CCDC7: variants seen among roughly 807,000 people sequenced by gnomAD.
The protein encoded by CCDC7 is coiled-coil domain-containing protein 7.
In CCDC7, 183 loss-of-function variants were observed where a neutral mutation model predicts 196.9. The observed-to-expected ratio is 0.93, with a 90% CI of 0.82 to 1.05. The LOEUF is 1.05. CCDC7 is among the 50% of genes least tolerant of loss of function. The pLI, the probability that CCDC7 is intolerant of heterozygous loss-of-function variation, is 0.00. For synonymous variants in CCDC7, 525 were observed against 484.6 expected, an observed-to-expected ratio of 1.08 and a Z score of -1.10; for missense variants, 1,540 against 1,482.2, an observed-to-expected ratio of 1.04 and a Z score of -0.64.
chr10:32,626,673 A>G (rs538680975), intron 18 of CCDC7, among the ~76,000 whole-genome samples: 1 of 152,092 alleles, frequency 6.6e-6, no homozygotes, highest in African/African-American at 2.4e-5. Context: ...GTTTTCTTCT[A>G]ATAGCTTTAT....
intron 32 of CCDC7, among the ~76,000 whole-genome samples, chr10:32,826,138 C>T (rs1347054035): frequency 6.6e-6 from 1 of 152,210 alleles, no homozygotes; most frequent in Non-Finnish European, 1.5e-5. Flanking sequence ...CAGGAACCAC[C>T]TCCAACATCC....
chr10:32,567,648 A>G, intron 14 of CCDC7, 22 bp from the exon 16 acceptor site: 1 of 1,592,982 alleles, frequency 6.3e-7, no homozygotes, highest in Non-Finnish European at 8.5e-7. Context: ...TGCTTAATAA[A>G]CTGGTACTTT....
chr10:32,815,581 T>C (rs1026355102), intron 31 of CCDC7, among the ~76,000 whole-genome samples: 12 of 152,110 alleles, frequency 7.9e-5, no homozygotes, highest in Admixed American at 2.6e-4. Flanking sequence ...AGAAAAAATA[T>C]TTGAAGAAAA....
intron 9 of CCDC7, 73 bp downstream of exon 10, chr10:32,492,070 A>G (rs1256863577): frequency 7.3e-7 from 1 of 1,376,058 alleles, no homozygotes. Context: ...GTATTTTTCC[A>G]TATGTAATAT....
intron 20 of CCDC7, among the ~76,000 whole-genome samples, chr10:32,638,288 A>T (rs1365189354): frequency 6.6e-6 from 1 of 152,176 alleles, no homozygotes; most frequent in Non-Finnish European, 1.5e-5. Flanking sequence ...GTCGTGAGAG[A>T]GGACATCCCT....
chr10:32,656,905 T>C (rs767405348), intron 20 of CCDC7, among the ~76,000 whole-genome samples: 2 of 152,238 alleles, frequency 1.3e-5, no homozygotes, highest in Non-Finnish European at 2.9e-5. Flanking sequence ...TGGGGGAACA[T>C]GCACTGGGTA....
At chr10:32,845,519 C>G (rs1256432587) in intron 34 of CCDC7, 24 bp from the exon 36 acceptor site, 1 of 1,551,094 alleles carries the variant, frequency 6.4e-7, no homozygotes, top group African/African-American at 1.4e-5. Context: ...ACAAAATATA[C>G]TGAAATCTGT....
chr10:32,522,026 C>G (rs968051240), intron 11 of CCDC7, among the ~76,000 whole-genome samples: 1 of 152,074 alleles, frequency 6.6e-6, no homozygotes, highest in African/African-American at 2.4e-5. Flanking sequence ...TATTGTGAAT[C>G]CCACTTGGTC....
chr10:32,780,186 G>A (rs770968014), intron 29 of CCDC7, among the ~76,000 whole-genome samples: 5 of 152,146 alleles, frequency 3.3e-5, no homozygotes, highest in African/African-American at 7.2e-5. Flanking sequence ...TCAGTGAGCC[G>A]AGATCACGCC....
At chr10:32,640,164 T>G (rs183623371) in intron 20 of CCDC7, among the ~76,000 whole-genome samples, 7 of 152,060 alleles carry the variant, frequency 4.6e-5, no homozygotes, top group African/African-American at 1.7e-4. Flanking sequence ...CATTATTATT[T>G]TGTGGGAGTC....
intron 18 of CCDC7, among the ~76,000 whole-genome samples, chr10:32,585,795 T>A (rs1401484933): frequency 1.3e-5 from 2 of 152,226 alleles, no homozygotes; most frequent in African/African-American, 2.4e-5. Flanking sequence ...TTGGGTTGGT[T>A]CCAAGCCTTT....
At chr10:32,720,192 C>T (rs923188702) in intron 25 of CCDC7, among the ~76,000 whole-genome samples, 1 of 152,092 alleles carries the variant, frequency 6.6e-6, no homozygotes, top group Non-Finnish European at 1.5e-5. Flanking sequence ...CACATATACA[C>T]CATGGAATAC....
chr10:32,599,410 T>G (rs1377019575), intron 18 of CCDC7, among the ~76,000 whole-genome samples: 3 of 152,216 alleles, frequency 2.0e-5, no homozygotes, highest in Admixed American at 2.0e-4. Flanking sequence ...AATCCACTTA[T>G]ACTTAATATA....
exon 37 of CCDC7, chr10:32,846,405 A>G (rs766380549): frequency 1.3e-6 from 2 of 1,595,716 alleles, no homozygotes; most frequent in Admixed American, 3.4e-5. Context: ...AAAAGATGCT[A>G]TTGGAAGAGA....
At chr10:32,697,140 T>C (rs2077842632) in intron 24 of CCDC7, among the ~76,000 whole-genome samples, 1 of 152,172 alleles carries the variant, frequency 6.6e-6, no homozygotes, top group Non-Finnish European at 1.5e-5. Context: ...GATGGTCCCA[T>C]GTGAGGCATG....
rs2141910891 is a variant in CCDC7 at position 32,711,613 on chromosome 10, A to G, written c.2459-7A>G. 6.5e-7 allele frequency: 1 copy of G among 1,548,262 alleles called. No homozygotes were observed. Among genetic ancestry groups the G allele is most frequent in the East Asian group, 2.3e-5 (1 of 43,254 alleles). On this transcript the variant is annotated splice_polypyrimidine_tract_variant and splice_region_variant and intron_variant, in intron 24 of 41. Coordinates refer to ENST00000639629, the Ensembl canonical transcript of CCDC7. ...TAGTAAGGGACTAAATTTCTCTCTT[A>G]ACATAGCTCATGATGAAGAATCAGG...
rs184256662 is a variant in CCDC7, at chr10:32,831,608, A to G, written c.3269-3207A>G. Among the ~76,000 whole-genome samples the G allele has an allele frequency of 7.9e-3, 1,203 of 152,208 alleles. 7 individuals carry two copies. The highest frequency in any genetic ancestry group is 0.02 in the Middle Eastern group (6 of 294). On this transcript the variant is annotated intron_variant, in intron 32 of 41. Transcript: ENST00000639629. ...TCTATTTAATTTTTTTATTACCTTT[A>G]AAACATTTTTGTTAAAAACTGAGAC...
intron 16 of CCDC7, among the ~76,000 whole-genome samples, chr10:32,576,314 A>AAAAG (rs2058181691): frequency 1.3e-5 from 2 of 151,874 alleles, no homozygotes; most frequent in Non-Finnish European, 2.9e-5. Context: ...AAAAAAAAAA[A>AAAAG]AAAAGAAAAG....
chr10:32,619,206 A>G (rs1042127204), intron 18 of CCDC7, among the ~76,000 whole-genome samples: 1 of 152,248 alleles, frequency 6.6e-6, no homozygotes, highest in Non-Finnish European at 1.5e-5. Context: ...ATCCTAAAGC[A>G]TCAAGTAACA....
Sources: allele counts gnomAD v4.1 joint callset (sites outside exome capture counted in the v4.1 genomes callset), GRCh38; gene constraint gnomAD v4.1.1; transcripts MANE v1.5; gene names NCBI Gene and HGNC (gene_info 2026-07-23, HGNC 2026-07-21).